The following EBF1 variants were observed in gnomAD, a reference collection of about 807,000 sequenced individuals.
The protein encoded by EBF1 is EBF transcription factor 1.
In EBF1, 10 loss-of-function variants were observed where a neutral mutation model predicts 68.4. That is an observed-to-expected ratio of 0.15 (90% CI 0.09 to 0.25). The LOEUF is 0.25. Among genes scored for constraint, EBF1 ranks in the 10% least tolerant of loss-of-function variants. The pLI, the probability that EBF1 is intolerant of heterozygous loss-of-function variation, is 1.00. For synonymous variants in EBF1, 298 were observed against 299.8 expected (o/e 0.99, Z 0.06); for missense variants, 509 against 794.4 (o/e 0.64, Z 4.32).
chr5:158,828,493 C>T (rs1461084871), intron 7 of EBF1, among the ~76,000 whole-genome samples: 1 of 151,796 alleles, frequency 6.6e-6, no homozygotes, highest in African/African-American at 2.4e-5. Context: ...ATGAAAATTC[C>T]CTATATAAGG....
At chr5:158,745,116 C>T (rs972011183) in intron 10 of EBF1, among the ~76,000 whole-genome samples, 2 of 151,944 alleles carry the variant, frequency 1.3e-5, no homozygotes, top group Non-Finnish European at 2.9e-5. Flanking sequence ...AATATTGGTC[C>T]CCAGCGTCTT....
chr5:158,889,265 T>G (rs948397793), intron 6 of EBF1, among the ~76,000 whole-genome samples: 1 of 152,074 alleles, frequency 6.6e-6, no homozygotes, highest in African/African-American at 2.4e-5. Flanking sequence ...TGGCAAGTGG[T>G]GAGGATGGGG....
intron 8 of EBF1, among the ~76,000 whole-genome samples, chr5:158,817,451 T>C (rs1393625961): frequency 6.6e-6 from 1 of 152,110 alleles, no homozygotes. Context: ...AAAAGTGAGC[T>C]CTCTTCACCC....
intron 10 of EBF1, among the ~76,000 whole-genome samples, chr5:158,737,174 C>A (rs900469918): frequency 8.1e-5 from 12 of 147,614 alleles, no homozygotes; most frequent in African/African-American, 2.8e-4. Flanking sequence ...CTTTCTGCAA[C>A]AAGAAGGGTG....
intron 6 of EBF1, among the ~76,000 whole-genome samples, chr5:158,994,547 C>A (rs564277508): frequency 6.6e-6 from 1 of 152,338 alleles, no homozygotes; most frequent in Admixed American, 6.5e-5. Context: ...ACATCCCTTG[C>A]ACGCCTTTTG....
chr5:158,970,701 T>C (rs774284787), intron 6 of EBF1, among the ~76,000 whole-genome samples: 1 of 152,220 alleles, frequency 6.6e-6, no homozygotes, highest in Non-Finnish European at 1.5e-5. Context: ...CATGAGCTCA[T>C]GTCCCAACTG....
At chr5:158,864,616 A>G (rs946183765) in intron 6 of EBF1, among the ~76,000 whole-genome samples, 1 of 152,058 alleles carries the variant, frequency 6.6e-6, no homozygotes, top group African/African-American at 2.4e-5. Flanking sequence ...CAAGTGAAAG[A>G]CTCACAAGTT....
chr5:159,040,944 G>A (rs868282316), intron 6 of EBF1, among the ~76,000 whole-genome samples: 1 of 152,146 alleles, frequency 6.6e-6, no homozygotes, highest in South Asian at 2.1e-4. Context: ...TTAGACAGGT[G>A]GCTGTATGTA....
intron 6 of EBF1, among the ~76,000 whole-genome samples, chr5:158,847,922 C>T (rs937397269): frequency 6.6e-6 from 1 of 152,154 alleles, no homozygotes; most frequent in Non-Finnish European, 1.5e-5. Flanking sequence ...AATCTTTCCC[C>T]AGGCTGAAAA....
intron 1 of EBF1, among the ~76,000 whole-genome samples, chr5:159,099,008 G>C (rs1004483532): frequency 6.6e-6 from 1 of 152,122 alleles, no homozygotes; most frequent in African/African-American, 2.4e-5. Context: ...GGAAAAGAAA[G>C]AGCAATCACA....
At position 158,777,399 on chromosome 5, in the gene EBF1, G is replaced by A; in HGVS notation, c.1036+14C>T. The A allele has an allele frequency of 1.9e-6, 3 of 1,605,872 alleles. No homozygotes were observed. The highest frequency in any genetic ancestry group is 2.6e-6 in the Non-Finnish European group (3 of 1,175,338). On this transcript the variant is annotated intron_variant, in intron 10 of 15. Transcript: ENST00000313708. ...CACGGCAGTTCTGTGCTCACCATGT[G>A]CTGTGGTTCTTACCTGTATAAATGA...
chr5:158,776,556 A>G (rs921884650), intron 10 of EBF1, among the ~76,000 whole-genome samples: 3 of 152,100 alleles, frequency 2.0e-5, no homozygotes, highest in Admixed American at 6.6e-5. Flanking sequence ...TACTGAATGG[A>G]AAAGGAAACC....
intron 6 of EBF1, among the ~76,000 whole-genome samples, chr5:158,942,328 G>C (rs1301807034): frequency 6.6e-6 from 1 of 152,182 alleles, no homozygotes; most frequent in African/African-American, 2.4e-5. Context: ...TCTGAAATCA[G>C]ACCACCTGCA....
chr5:159,017,088 T>C (rs1427878844), intron 6 of EBF1, among the ~76,000 whole-genome samples: 2 of 152,040 alleles, frequency 1.3e-5, no homozygotes, highest in Non-Finnish European at 1.5e-5. Flanking sequence ...CGAAATATTA[T>C]TTTGACATGT....
chr5:158,951,444 A>G (rs891779772), intron 6 of EBF1, among the ~76,000 whole-genome samples: 6 of 152,146 alleles, frequency 3.9e-5, no homozygotes, highest in African/African-American at 1.2e-4. Context: ...TTCTCATTTA[A>G]TTGCTAAGTA....
intron 6 of EBF1, among the ~76,000 whole-genome samples, chr5:158,893,866 G>A (rs1429916223): frequency 6.6e-6 from 1 of 152,108 alleles, no homozygotes; most frequent in South Asian, 2.1e-4. Context: ...AGGCTGAAGG[G>A]CTCTTCGGGG....
At chr5:158,839,887 T>A in intron 7 of EBF1, 142 bp downstream of exon 7, 1 of 714,598 alleles carries the variant, frequency 1.4e-6, no homozygotes, top group Non-Finnish European at 2.5e-6. Context: ...AACTGCTAGA[T>A]TGCAGATACC....
intron 6 of EBF1, among the ~76,000 whole-genome samples, chr5:158,919,573 C>T (rs1476185055): frequency 4.6e-5 from 7 of 152,172 alleles, no homozygotes; most frequent in South Asian, 4.1e-4. Context: ...ATTCCAACAA[C>T]GGTGCTCATT....
intron 4 of EBF1, among the ~76,000 whole-genome samples, chr5:159,090,380 C>A (rs969670413): frequency 9.2e-5 from 14 of 152,030 alleles, no homozygotes; most frequent in Non-Finnish European, 1.8e-4. Context: ...AACAACGTGT[C>A]AAACAGCAAT....
Sources: gnomAD v4.1 joint callset for allele counts (sites outside exome capture counted in the v4.1 genomes callset) on GRCh38, gnomAD v4.1.1 for gene constraint, MANE v1.5 for transcripts, NCBI Gene and HGNC (gene_info 2026-07-23, HGNC 2026-07-21) for gene names.